INTS9: variants seen among roughly 807,000 people sequenced by gnomAD.
INTS9 encodes the protein integrator complex subunit 9, also known as protein related to CPSF subunits of 74 kDa.
Under a neutral mutation model 79.7 loss-of-function variants are expected in INTS9, and 55 were observed. The observed-to-expected ratio is 0.69, with a 90% CI of 0.56 to 0.86. The LOEUF (loss-of-function observed/expected upper bound fraction) is 0.86. INTS9 is among the 40% of genes least tolerant of loss of function. INTS9 has a pLI of 0.00. For missense variants in INTS9, 721 were observed against 831.5 expected, an observed-to-expected ratio of 0.87 and a Z score of 1.64; for synonymous variants, 319 against 325.2, an observed-to-expected ratio of 0.98 and a Z score of 0.20.
chr8:28,881,796 T>C (rs1191369669), intron 1 of INTS9, among the ~76,000 whole-genome samples: 1 of 134,964 alleles, frequency 7.4e-6, no homozygotes, highest in African/African-American at 2.8e-5. Flanking sequence ...GAGGAGCCCC[T>C]CTGCCTGGCC....
chr8:28,808,897 A>G (rs1417601805), intron 8 of INTS9, among the ~76,000 whole-genome samples: 2 of 152,050 alleles, frequency 1.3e-5, no homozygotes, highest in Non-Finnish European at 1.5e-5. Context: ...ACTCAAGTAG[A>G]CCAGGGGTTA....
intron 1 of INTS9, among the ~76,000 whole-genome samples, chr8:28,868,940 A>T (rs1024355160): frequency 1.3e-5 from 2 of 152,106 alleles, no homozygotes; most frequent in African/African-American, 4.8e-5. Flanking sequence ...CTCTACTAAA[A>T]ATAGAAAAAT....
intron 10 of INTS9, among the ~76,000 whole-genome samples, chr8:28,789,171 C>A (rs1002956849): frequency 6.6e-6 from 1 of 152,106 alleles, no homozygotes. Context: ...CTCAGGGAGA[C>A]AAATATAAGA....
chr8:28,811,423 C>CT lies in INTS9; in HGVS notation c.744+903dup, dbSNP rs34423764. Among the ~76,000 whole-genome samples, 188 of 144,726 alleles carry CT rather than the reference C, an allele frequency of 1.3e-3. 1 individual carries two copies. Among genetic ancestry groups the CT allele is most frequent in the Admixed American group, 1.4e-3 (21 of 14,532 alleles). The allele number at this position is 144,726 out of a possible 152,430, so 94.9% of individuals were successfully genotyped here. ...ACAGGCATGAGCCACCATACCCGGC[C>CT]TTTTTTTTTTTTTCTTGAGGCATAA... is the stretch of plus-strand genomic sequence containing the variant. On this transcript the variant is annotated intron_variant, in intron 8 of 16. Transcript: ENST00000521022.
At chr8:28,866,040 A>G (rs1422038853) in intron 1 of INTS9, among the ~76,000 whole-genome samples, 2 of 151,988 alleles carry the variant, frequency 1.3e-5, no homozygotes, top group South Asian at 4.1e-4. Flanking sequence ...CAAATCTGCT[A>G]TTTAGCCAAT....
At position 28,837,707 on chromosome 8, in the gene INTS9, G is replaced by C; in HGVS notation, c.331C>G (p.Pro111Ala). The change falls in exon 5 of 17, where the codon CCA becomes GCA. Residue 111 changes from proline (P) to alanine (A), a missense_variant. This residue lies in a region of INTS9 where 291 missense variants were observed against 307.0 expected (regional missense o/e 0.95). Coordinates refer to ENST00000521022, the MANE Select transcript of INTS9 (RefSeq NM_018250.4). ...AAGCCGGTGTGCTCGGTGATGTATG[G>C]CAGCGCCATCATACAGTGATAGTTA... ...ISNYHCMMAL[P>A]YITEHTGFTG... 6.2e-7 allele frequency: 1 copy of C among 1,613,972 alleles called. No individual in the cohort carries two copies. Among genetic ancestry groups the C allele is most frequent in the Non-Finnish European group, 8.5e-7 (1 of 1,179,948 alleles).
intron 6 of INTS9, among the ~76,000 whole-genome samples, chr8:28,820,468 C>G (rs1204331254): frequency 6.6e-6 from 1 of 152,182 alleles, no homozygotes; most frequent in Non-Finnish European, 1.5e-5. Flanking sequence ...GGCCCCCACT[C>G]TCTTCTGGCT....
At chr8:28,785,274 C>G (rs1803521636) in intron 11 of INTS9, among the ~76,000 whole-genome samples, 1 of 152,244 alleles carries the variant, frequency 6.6e-6, no homozygotes, top group Non-Finnish European at 1.5e-5. Flanking sequence ...CTTTTTGGGA[C>G]TATAAATGAT....
intron 1 of INTS9, among the ~76,000 whole-genome samples, chr8:28,876,738 A>T (rs987648794): frequency 6.6e-6 from 1 of 152,152 alleles, no homozygotes; most frequent in Non-Finnish European, 1.5e-5. Flanking sequence ...ATGAGAATCA[A>T]CTGGAAAGGG....
chr8:28,835,477 C>CGAGA, intron 5 of INTS9, 99 bp from the exon 6 acceptor site: 2 of 515,208 alleles, frequency 3.9e-6, no homozygotes, highest in Non-Finnish European at 6.7e-6. Flanking sequence ...GCCCACCTCC[C>CGAGA]CCTACACCAT....
intron 6 of INTS9, among the ~76,000 whole-genome samples, chr8:28,829,556 T>C (rs1435823534): frequency 1.3e-5 from 2 of 152,204 alleles, no homozygotes; most frequent in Admixed American, 6.5e-5. Flanking sequence ...CTTCTGAGTT[T>C]GAAAGTTTCT....
At chr8:28,788,825 C>G (rs751071458) in intron 10 of INTS9, among the ~76,000 whole-genome samples, 1 of 152,186 alleles carries the variant, frequency 6.6e-6, no homozygotes, top group Middle Eastern at 3.2e-3. Context: ...TTTGCTTTTT[C>G]CTAGTCAGTT....
chr8:28,804,572 C>T (rs970355455), intron 8 of INTS9, among the ~76,000 whole-genome samples: 1 of 151,904 alleles, frequency 6.6e-6, no homozygotes, highest in Non-Finnish European at 1.5e-5. Context: ...AAAGTGGTGA[C>T]AAGTCAGGGA....
At chr8:28,838,910 G>A (rs1037196468) in intron 4 of INTS9, among the ~76,000 whole-genome samples, 7 of 152,156 alleles carry the variant, frequency 4.6e-5, no homozygotes, top group Admixed American at 3.3e-4. Flanking sequence ...CCTCCCACCT[G>A]TGGCAGCCAG....
At position 28,813,553 on chromosome 8, in the gene INTS9, G is replaced by GT; in HGVS notation, c.547dup (p.Thr183AsnfsTer10). 1 of 1,613,550 alleles carries GT rather than the reference G, an allele frequency of 6.2e-7. No homozygotes were observed. The highest frequency in any genetic ancestry group is 8.5e-7 in the Non-Finnish European group (1 of 1,179,508). On this transcript the variant is annotated frameshift_variant, in exon 7 of 17. Transcript: ENST00000521022. LOFTEE classifies it high-confidence loss of function. ...AAGGGCAGAGTTCACCTCTTGCATT[G>GT]TATAGCATCTTCTCCAGGTTGAGAC...
At chr8:28,817,432 T>C (rs1333660155) in intron 6 of INTS9, among the ~76,000 whole-genome samples, 2 of 152,072 alleles carry the variant, frequency 1.3e-5, no homozygotes, top group Non-Finnish European at 2.9e-5. Context: ...CATTGCTTGT[T>C]TTTCTCAGGT....
chr8:28,768,134 C>G lies in INTS9; in HGVS notation c.*12G>C, dbSNP rs1802314237. The stretch of plus-strand genomic sequence containing the variant: ...ACTGCAGGATTTCAGGGAAGTAGCT[C>G]AGATGGCCCACTCAGAACTTCTGTA... On this transcript the variant is annotated 3_prime_UTR_variant, in exon 17 of 17. Coordinates refer to ENST00000521022, the MANE Select transcript of INTS9 (RefSeq NM_018250.4). The G allele has an allele frequency of 1.2e-6, 2 of 1,613,674 alleles. No individual in the cohort carries two copies. Among genetic ancestry groups the G allele is most frequent in the South Asian group, 2.2e-5 (2 of 91,048 alleles).
intron 1 of INTS9, among the ~76,000 whole-genome samples, chr8:28,867,719 G>GT (rs575142934): frequency 0.047 from 6,261 of 133,980 alleles, 293 homozygotes; most frequent in African/African-American, 0.13. Flanking sequence ...TAACAAGTCT[G>GT]TTTTTTTTTT....
Position 28,804,426 on chromosome 8 carries a change from C to T in INTS9, c.745-7771G>A, listed in dbSNP as rs138993555. 1.1e-3 allele frequency among the ~76,000 whole-genome samples: 160 copies of T among 152,220 alleles called. 1 individual carries two copies. The highest frequency in any genetic ancestry group is 3.6e-3 in the African/African-American group (149 of 41,544). Reference sequence around the variant, plus strand: ...ACCCTTTGTCCTTTTTTCTTTCCTCCGTATTACAGTTGGCAGATTGTGGAA... The same window carrying T: ...ACCCTTTGTCCTTTTTTCTTTCCTCTGTATTACAGTTGGCAGATTGTGGAA... On this transcript the variant is annotated intron_variant, in intron 8 of 16. Transcript: ENST00000521022.
Sources: allele counts gnomAD v4.1 joint callset (sites outside exome capture counted in the v4.1 genomes callset), GRCh38; gene constraint gnomAD v4.1.1; regional missense constraint gnomAD v4.1.1; transcripts MANE v1.5; gene names NCBI Gene and HGNC (gene_info 2026-07-23, HGNC 2026-07-21).